Variants in RAB4A observed in about 807,000 individuals in gnomAD.
RAB4A encodes RAB4A, member RAS oncogene family.
Under a neutral mutation model 34.5 loss-of-function variants are expected in RAB4A, and 20 were observed. The ratio of observed to expected loss-of-function variants is 0.58; its 90% CI spans 0.41 to 0.84. The LOEUF (loss-of-function observed/expected upper bound fraction) is 0.84, where lower values mean the gene tolerates loss of function less well. RAB4A is among the 40% of genes least tolerant of loss of function. The pLI is 0.00. For synonymous variants in RAB4A, 102 were observed against 100.0 expected, an observed-to-expected ratio of 1.02 and a Z score of -0.12; for missense variants, 228 against 274.5, an observed-to-expected ratio of 0.83 and a Z score of 1.20.
intron 1 of RAB4A, among the ~76,000 whole-genome samples, chr1:229,271,732 A>G (rs1656484734): frequency 6.6e-6 from 1 of 152,282 alleles, no homozygotes; most frequent in South Asian, 2.1e-4. Flanking sequence ...TTCAGCTGCG[A>G]TATTATCCCC....
intron 3 of RAB4A, among the ~76,000 whole-genome samples, chr1:229,291,410 A>C (rs142475383): frequency 3.3e-5 from 5 of 152,308 alleles, no homozygotes; most frequent in Admixed American, 6.5e-5. Context: ...CAGTGAGGGA[A>C]GACTAAGACA....
intron 1 of RAB4A, among the ~76,000 whole-genome samples, chr1:229,274,049 C>CTTTTTTTTTTTT (rs11339660): frequency 5.8e-5 from 5 of 86,844 alleles, no homozygotes; most frequent in South Asian, 4.4e-4. Flanking sequence ...TTTTGTTTCC[C>CTTTTTTTTTTTT]TTTTTTTTTT....
rs760586685 is a variant in RAB4A at position 229,305,212 on chromosome 1, A to G, written c.*1419A>G. The G allele has an allele frequency of 5.6e-6, 9 of 1,609,522 alleles. No individual in the cohort carries two copies. In the East Asian group the frequency reaches 1.8e-4, roughly 32 times the overall value. The stretch of plus-strand genomic sequence containing the variant: ...GCTTTTTTTATGCCTTGAATATTTT[A>G]TTTCAAAAAGTATCTGAAGCAAATT... On this transcript the variant is annotated 3_prime_UTR_variant, in exon 8 of 8. Transcript: ENST00000366690.
At chr1:229,281,763 C>T (rs912842816) in intron 1 of RAB4A, among the ~76,000 whole-genome samples, 1 of 149,612 alleles carries the variant, frequency 6.7e-6, no homozygotes, top group Non-Finnish European at 1.5e-5. Context: ...CTGCTCATAG[C>T]TTTTTCAGTG....
chr1:229,288,630 C>G, intron 2 of RAB4A, 99 bp from the exon 3 acceptor site: 1 of 639,550 alleles, frequency 1.6e-6, no homozygotes, highest in Non-Finnish European at 2.8e-6. Context: ...ATGTCCATTC[C>G]CCATTGATGT....
At chr1:229,280,606 A>G (rs1458794461) in intron 1 of RAB4A, among the ~76,000 whole-genome samples, 2 of 152,112 alleles carry the variant, frequency 1.3e-5, no homozygotes, top group Admixed American at 6.5e-5. Context: ...AGATTCATAT[A>G]GTTTTAAGAA....
At position 229,271,226 on chromosome 1, in the gene RAB4A, T is replaced by G; in HGVS notation, c.-114T>G. On this transcript the variant is annotated 5_prime_UTR_variant, in exon 1 of 8. Coordinates refer to ENST00000366690, the MANE Select transcript of RAB4A (RefSeq NM_004578.4). Reference sequence around the variant, plus strand: ...GACCGGCGGTTGCCGTGGGGACCGGTCGGGCCCCTCCCTCCTCCGGTCCCC... The same window carrying G: ...GACCGGCGGTTGCCGTGGGGACCGGGCGGGCCCCTCCCTCCTCCGGTCCCC... The G allele has an allele frequency of 9.2e-7, 1 of 1,081,890 alleles. No individual in the cohort carries two copies. Among genetic ancestry groups the G allele is most frequent in the Non-Finnish European group, 1.2e-6 (1 of 850,280 alleles). 67.0% of individuals were successfully genotyped at this position (1,081,890 alleles called of 1,614,324 possible). A position where few individuals can be genotyped will look rare whatever the true frequency, so the allele number is the denominator to read the frequency against.
intron 3 of RAB4A, among the ~76,000 whole-genome samples, chr1:229,291,413 C>CT (rs1315897404): frequency 6.6e-6 from 1 of 151,990 alleles, no homozygotes; most frequent in Non-Finnish European, 1.5e-5. Flanking sequence ...TGAGGGAAGA[C>CT]TAAGACAGCA....
intron 1 of RAB4A, among the ~76,000 whole-genome samples, chr1:229,274,426 A>C (rs1656586263): frequency 6.6e-6 from 1 of 152,188 alleles, no homozygotes; most frequent in Non-Finnish European, 1.5e-5. Flanking sequence ...TTTTTAACAT[A>C]TTAAAACAGT....
intron 5 of RAB4A, among the ~76,000 whole-genome samples, chr1:229,298,162 G>T (rs1435722626): frequency 6.6e-6 from 1 of 152,096 alleles, no homozygotes; most frequent in East Asian, 1.9e-4. Context: ...ATAAGAGAAT[G>T]ATTTTTTAAA....
chr1:229,286,455 G>A (rs1268061202), intron 1 of RAB4A, 31 bp from the exon 2 acceptor site: 5 of 1,359,028 alleles, frequency 3.7e-6, no homozygotes, highest in Non-Finnish European at 1.0e-6. Context: ...CTATTTTGAA[G>A]TTATTTTCAC....
chr1:229,288,582 T>G (rs1656984040), intron 2 of RAB4A, 147 bp from the exon 3 acceptor site: 2 of 554,718 alleles, frequency 3.6e-6, no homozygotes, highest in Non-Finnish European at 6.4e-6. Context: ...TAAATGCATC[T>G]TCTCAATGGA....
chr1:229,297,523 C>T lies in RAB4A; in HGVS notation c.332C>T (p.Ala111Val). The change falls in exon 5 of 8, where the codon GCC becomes GTC. Residue 111 changes from alanine to valine, a missense_variant. By Grantham distance (64) the Ala-to-Val change is moderately conservative. Transcript: ENST00000366690. The part of the protein sequence containing the change: ...YNALTNWLTD[A>V]RMLASQNIVI... ...GCGCTTACTAATTGGTTAACAGATG[C>T]CCGAATGCTAGCGAGCCAGAACATT... 6.2e-7 allele frequency: 1 copy of T among 1,611,482 alleles called. No homozygotes were observed. The highest frequency in any genetic ancestry group is 1.1e-5 in the South Asian group (1 of 90,310).
chr1:229,271,316 G>A lies in RAB4A; in HGVS notation c.-24G>A, dbSNP rs1229351500. ...GCGGGCGAGTGCAGCCGGTGACCCG[G>A]CGAGAGGCGGCGCCGCTCCCAAGAT... is the stretch of plus-strand genomic sequence containing the variant. On this transcript the variant is annotated 5_prime_UTR_variant, in exon 1 of 8. Coordinates refer to ENST00000366690, the MANE Select transcript of RAB4A (RefSeq NM_004578.4). 23 of 1,328,350 alleles carry A rather than the reference G, an allele frequency of 1.7e-5. No homozygotes were observed. The highest frequency in any genetic ancestry group is 2.0e-5 in the Non-Finnish European group (21 of 1,037,330). 82.3% of individuals were successfully genotyped at this position (1,328,350 alleles called of 1,614,324 possible).
chr1:229,297,766 G>T (rs1657286218), intron 5 of RAB4A, 130 bp downstream of exon 5: 2 of 1,077,160 alleles, frequency 1.9e-6, no homozygotes, highest in South Asian at 1.9e-5. Context: ...ATTTCCAATT[G>T]TTTTTTTCTA....
intron 3 of RAB4A, among the ~76,000 whole-genome samples, chr1:229,292,470 A>T (rs1657115525): frequency 6.6e-6 from 1 of 152,166 alleles, no homozygotes; most frequent in African/African-American, 2.4e-5. Flanking sequence ...CTGCCTCTTA[A>T]TAGATGTGAA....
intron 1 of RAB4A, among the ~76,000 whole-genome samples, chr1:229,271,761 T>G (rs1474824603): frequency 6.6e-6 from 1 of 152,240 alleles, no homozygotes; most frequent in African/African-American, 2.4e-5. Context: ...TGTGAAGGGC[T>G]TAGGGCGACG....
At chr1:229,293,996 GGGCAGACACA>G (rs1288729862) in intron 3 of RAB4A, among the ~76,000 whole-genome samples, 1 of 152,160 alleles carries the variant, frequency 6.6e-6, no homozygotes, top group Non-Finnish European at 1.5e-5. Context: ...ACAGCAGCGT[GGGCAGACACA>G]GGATTTGTGT....
intron 3 of RAB4A, among the ~76,000 whole-genome samples, chr1:229,294,042 C>T (rs373031172): frequency 8.6e-5 from 13 of 151,952 alleles, no homozygotes; most frequent in African/African-American, 1.9e-4. Context: ...ACTAGGCTGG[C>T]GGAGTGAATG....
Sources: gnomAD v4.1 joint callset for allele counts (sites outside exome capture counted in the v4.1 genomes callset) on GRCh38, gnomAD v4.1.1 for gene constraint, MANE v1.5 for transcripts, NCBI Gene and HGNC (gene_info 2026-07-23, HGNC 2026-07-21) for gene names.